Variants in DEPDC4 observed in about 807,000 individuals in gnomAD.
DEPDC4 encodes DEP domain-containing protein 4.
DEPDC4 carries 52 observed loss-of-function variants against 52.0 expected under a neutral mutation model. The observed-to-expected ratio is 1.00, with a 90% CI of 0.80 to 1.26. The LOEUF (loss-of-function observed/expected upper bound fraction) is 1.26, where lower values mean the gene tolerates loss of function less well. Ranked by LOEUF, DEPDC4 falls within the 50% of genes most tolerant of loss-of-function variation. DEPDC4 has a pLI of 0.00. For missense variants in DEPDC4, 530 were observed against 546.9 expected, an observed-to-expected ratio of 0.97 and a Z score of 0.31; for synonymous variants, 201 against 196.8, an observed-to-expected ratio of 1.02 and a Z score of -0.18.
the DEPDC4 span, among the ~76,000 whole-genome samples, chr12:100,274,138 A>G: frequency 6.6e-6 from 1 of 152,220 alleles, no homozygotes; most frequent in Non-Finnish European, 1.5e-5. Context: ...GACAGTTCAA[A>G]TCTTTAATAG....
Position 100,245,418 on chromosome 12 carries a change from C to A in DEPDC4, c.1454-2849G>T, listed in dbSNP as rs568721253. ...ACTAGCTGGGATTACAGGCACCCACCACCATGCTGGGCTAATCTTTGTATT... is the reference window on the plus strand; with the variant it reads ...ACTAGCTGGGATTACAGGCACCCACAACCATGCTGGGCTAATCTTTGTATT... On this transcript the variant is annotated intron_variant, in intron 8 of 9. Transcript: ENST00000550587. Among the ~76,000 whole-genome samples, 5 of 152,274 alleles carry A rather than the reference C, an allele frequency of 3.3e-5. No individual in the cohort carries two copies. In the South Asian group the frequency reaches 1.0e-3, roughly 32 times the overall value.
At chr12:100,275,288 A>G in the DEPDC4 span, among the ~76,000 whole-genome samples, 2 of 151,898 alleles carry the variant, frequency 1.3e-5, no homozygotes, top group Admixed American at 6.6e-5. Flanking sequence ...TGCGTCCTCA[A>G]CCTCCCAGGT....
Sources: allele counts gnomAD v4.1 joint callset (sites outside exome capture counted in the v4.1 genomes callset), GRCh38; gene constraint gnomAD v4.1.1; transcripts MANE v1.5; gene names NCBI Gene and HGNC (gene_info 2026-07-23, HGNC 2026-07-21).